Variants in FGF13 observed in about 807,000 individuals in gnomAD.
FGF13 encodes fibroblast growth factor homologous factor 2.
Under a neutral mutation model 19.5 loss-of-function variants are expected in FGF13, and 2 were observed. The observed-to-expected ratio is 0.10, with a 90% CI of 0.04 to 0.32. The LOEUF is 0.32. FGF13 is among the 10% of genes least tolerant of loss of function. FGF13 has a pLI of 1.00. For missense variants in FGF13, 113 were observed against 192.7 expected (o/e 0.59, Z 2.45); for synonymous variants, 72 against 76.9 (o/e 0.94, Z 0.33).
rs1569419135 is a variant in FGF13 at position 138,892,032 on chromosome X, G to GTGTGTGTGTGTGTGTGTGTGTA, written c.-112-27383_-112-27382insTACACACACACACACACACACA. ...TGTGTGTGTGTGTGTGTGTGTGTGT[G>GTGTGTGTGTGTGTGTGTGTGTA]TATTATCTCCTACTAGTTCTGTCCC... On this transcript the variant is annotated intron_variant, in intron 1 of 2. Transcript: ENST00000421460. 7.6e-4 allele frequency among the ~76,000 whole-genome samples: 82 copies of GTGTGTGTGTGTGTGTGTGTGTA among 108,341 alleles called. 2 individuals carry two copies. Among genetic ancestry groups the GTGTGTGTGTGTGTGTGTGTGTA allele is most frequent in the African/African-American group, 2.7e-3 (79 of 29,209 alleles). The allele number at this position is 108,341 out of a possible 115,157, so 94.1% of individuals were successfully genotyped here. A position where few individuals can be genotyped will look rare whatever the true frequency, so the allele number is the denominator to read the frequency against.
chrX:138,991,772 A>G (rs2092016519), intron 1 of FGF13, among the ~76,000 whole-genome samples: 1 of 112,100 alleles, frequency 8.9e-6, no homozygotes, highest in African/African-American at 3.2e-5. Context: ...TATAACTTAC[A>G]TTACCAGTGA....
At chrX:138,793,119 A>T (rs1353501267) in intron 3 of FGF13, among the ~76,000 whole-genome samples, 3 of 111,376 alleles carry the variant, frequency 2.7e-5, no homozygotes, top group Non-Finnish European at 5.7e-5. Flanking sequence ...GCCAAGGAAC[A>T]CCAATGCCTG....
chrX:139,114,743 AATCT>A (rs774020338), intron 1 of FGF13, among the ~76,000 whole-genome samples: 1 of 112,043 alleles, frequency 8.9e-6, no homozygotes, highest in African/African-American at 3.2e-5. Flanking sequence ...TGACTTAACT[AATCT>A]ATTTATTTTT....
At chrX:138,944,057 G>A (rs746369555) in intron 1 of FGF13, among the ~76,000 whole-genome samples, 20 of 110,658 alleles carry the variant, frequency 1.8e-4, no homozygotes, top group Non-Finnish European at 2.5e-4. Flanking sequence ...CCAACTCATC[G>A]AGCAAAGATT....
intron 3 of FGF13, among the ~76,000 whole-genome samples, chrX:138,789,999 C>G (rs1266132750): frequency 1.2e-5 from 1 of 81,097 alleles, no homozygotes; most frequent in Non-Finnish European, 2.3e-5. Context: ...GAGCCGAGAT[C>G]ACGCCACTTG....
chrX:138,659,457 G>A (rs1409349314), intron 3 of FGF13, among the ~76,000 whole-genome samples: 3 of 112,258 alleles, frequency 2.7e-5, no homozygotes, highest in African/African-American at 9.7e-5. Context: ...CACACTGTTG[G>A]TGGGTGTGTA....
At chrX:138,956,479 G>T (rs1020267750) in intron 1 of FGF13, among the ~76,000 whole-genome samples, 21 of 111,071 alleles carry the variant, frequency 1.9e-4, no homozygotes, top group Admixed American at 8.7e-4. Context: ...AATTAGAAGA[G>T]AAGTGAGGGT....
intron 1 of FGF13, among the ~76,000 whole-genome samples, chrX:139,043,160 T>G (rs1203308181): frequency 9.0e-6 from 1 of 111,267 alleles, no homozygotes; most frequent in East Asian, 2.8e-4. Flanking sequence ...GGAAGTTATC[T>G]AATTAGTGGG....
chrX:138,861,430 GT>G (rs1387996815), intron 2 of FGF13, among the ~76,000 whole-genome samples: 2 of 112,253 alleles, frequency 1.8e-5, no homozygotes, highest in African/African-American at 6.5e-5. Flanking sequence ...TATTTAGAAT[GT>G]TTTGGTTTAC....
chrX:139,024,649 C>T (rs1296197084), intron 1 of FGF13, among the ~76,000 whole-genome samples: 4 of 111,371 alleles, frequency 3.6e-5, no homozygotes, highest in Admixed American at 9.6e-5. Flanking sequence ...TCATATACTT[C>T]CTAAACTTGA....
chrX:138,992,432 C>A (rs1385520158), intron 1 of FGF13, among the ~76,000 whole-genome samples: 2 of 110,873 alleles, frequency 1.8e-5, no homozygotes, highest in African/African-American at 6.5e-5. Flanking sequence ...AACAACAAAC[C>A]TTAAGAGGAA....
intron 1 of FGF13, among the ~76,000 whole-genome samples, chrX:138,915,686 C>T (rs1047184974): frequency 1.3e-4 from 14 of 111,739 alleles, no homozygotes; most frequent in African/African-American, 3.6e-4. Flanking sequence ...CCATGGTCTT[C>T]TCTTCATCAT....
At chrX:139,160,156 C>T (rs2084017416) in intron 1 of FGF13, among the ~76,000 whole-genome samples, 1 of 112,177 alleles carries the variant, frequency 8.9e-6, no homozygotes, top group Non-Finnish European at 1.9e-5. Context: ...GACCACAGTG[C>T]AATCAAATTA....
At chrX:139,068,087 T>C (rs2092363187) in intron 1 of FGF13, among the ~76,000 whole-genome samples, 1 of 97,097 alleles carries the variant, frequency 1.0e-5, no homozygotes, top group African/African-American at 4.2e-5. Context: ...TGGTAATGCC[T>C]AGGTTTTCTT....
At chrX:138,763,210 C>G (rs2090479658) in intron 3 of FGF13, among the ~76,000 whole-genome samples, 1 of 109,738 alleles carries the variant, frequency 9.1e-6, no homozygotes, top group Non-Finnish European at 1.9e-5. Context: ...GCAAAGGGAT[C>G]CATTGTTTCA....
chrX:138,766,749 G>A (rs1174620701), intron 3 of FGF13, among the ~76,000 whole-genome samples: 1 of 111,826 alleles, frequency 8.9e-6, no homozygotes, highest in East Asian at 2.8e-4. Flanking sequence ...GTGAAGGAGA[G>A]AGATCCTTCC....
intron 1 of FGF13, among the ~76,000 whole-genome samples, chrX:138,950,182 G>A (rs2091803503): frequency 8.9e-6 from 1 of 111,934 alleles, no homozygotes; most frequent in Non-Finnish European, 1.9e-5. Context: ...CAATGAGTGA[G>A]CTGCAAAATG....
intron 3 of FGF13, among the ~76,000 whole-genome samples, chrX:138,769,747 G>A (rs1205165806): frequency 8.9e-6 from 1 of 112,129 alleles, no homozygotes; most frequent in Non-Finnish European, 1.9e-5. Flanking sequence ...AATTATTGTT[G>A]CCGAAGAGGA....
intron 1 of FGF13, among the ~76,000 whole-genome samples, chrX:139,030,294 C>T (rs895996301): frequency 4.5e-5 from 5 of 111,359 alleles, no homozygotes; most frequent in African/African-American, 9.8e-5. Flanking sequence ...TAAGCCTTAA[C>T]GACTTGAGTA....
Sources: gnomAD v4.1 joint callset for allele counts (sites outside exome capture counted in the v4.1 genomes callset) on GRCh38, gnomAD v4.1.1 for gene constraint, MANE v1.5 for transcripts, NCBI Gene and HGNC (gene_info 2026-07-23, HGNC 2026-07-21) for gene names.